PPL: variants seen among roughly 807,000 people sequenced by gnomAD.
The protein encoded by PPL is periplakin, also known as 190 kDa paraneoplastic pemphigus antigen.
Under a neutral mutation model 194.4 loss-of-function variants are expected in PPL, and 198 were observed. The ratio of observed to expected loss-of-function variants is 1.02; its 90% CI spans 0.91 to 1.15. PPL has a LOEUF of 1.15. Among genes scored for constraint, PPL ranks in the 50% most tolerant of loss-of-function variants. The probability of loss-of-function intolerance (pLI) is 0.00; values close to 1 mark genes in which losing one functional copy is unlikely to be tolerated. For synonymous variants in PPL, 1,220 were observed against 972.4 expected (o/e 1.25, Z -4.74); for missense variants, 2,885 against 2,294.8 (o/e 1.26, Z -5.25).
At position 4,883,810 on chromosome 16, in the gene PPL, C is replaced by G. The variant is rs760189060; in HGVS notation, c.4845G>C (p.Leu1615=). ...TCTTGAGGTCATCCAGTTCCCTCTCCAGGGACCACAGTCTGGAGTCATGGT... is the reference window on the plus strand; with the variant it reads ...TCTTGAGGTCATCCAGTTCCCTCTCGAGGGACCACAGTCTGGAGTCATGGT... The part of the protein sequence containing the change: ...GTNHDSRLWS[L]ERELDDLKRL... Residue 1615 remains leucine, a synonymous_variant, in exon 22 of 22, where the codon CTG becomes CTC. Transcript: ENST00000345988. The surrounding 1 kb of genome is among the most constrained non-coding windows in gnomAD (Gnocchi z 4.8). The G allele has an allele frequency of 3.1e-6, 5 of 1,614,124 alleles. No homozygotes were observed. The highest frequency in any genetic ancestry group is 1.6e-4 in the Middle Eastern group (1 of 6,062).
At chr16:4,898,342 C>T (rs755345456) in intron 8 of PPL, among the ~76,000 whole-genome samples, 6 of 152,166 alleles carry the variant, frequency 3.9e-5, no homozygotes, top group Admixed American at 6.5e-5. Flanking sequence ...TACACCATCG[C>T]ACTCCAGCCT....
chr16:4,909,530 G>A (rs140516726), intron 2 of PPL, among the ~76,000 whole-genome samples: 6,105 of 150,836 alleles, frequency 0.04, 115 homozygotes, highest in African/African-American at 0.05. Flanking sequence ...GGGTTCAAGC[G>A]ATTCTCCTGC....
At chr16:4,928,778 A>G (rs1568063672) in intron 1 of PPL, among the ~76,000 whole-genome samples, 1 of 152,172 alleles carries the variant, frequency 6.6e-6, no homozygotes, top group Non-Finnish European at 1.5e-5. Context: ...TAGGAAGCCG[A>G]GGCAGGTGGA....
chr16:4,888,033 T>C, intron 20 of PPL, 69 bp downstream of exon 20: 3 of 1,136,786 alleles, frequency 2.6e-6, no homozygotes, highest in Non-Finnish European at 4.0e-6. Flanking sequence ...TGTGACACCA[T>C]GCTCCCTGGG....
rs562835106 is a variant in PPL, at chr16:4,898,494, T to C, written c.876+519A>G. On this transcript the variant is annotated intron_variant, in intron 8 of 21. Coordinates refer to ENST00000345988, the MANE Select transcript of PPL (RefSeq NM_002705.5). ...AAATTAGGGTGAGCCCTAAATCCACTGACTGATATCCTTATAAGAAGAGAG... is the reference window on the plus strand; with the variant it reads ...AAATTAGGGTGAGCCCTAAATCCACCGACTGATATCCTTATAAGAAGAGAG... Among the ~76,000 whole-genome samples the C allele has an allele frequency of 5.9e-5, 9 of 152,256 alleles. No homozygotes were observed. The South Asian group carries it at 1.0e-3, about 18-fold the overall frequency.
intron 1 of PPL, among the ~76,000 whole-genome samples, chr16:4,915,884 T>C (rs758444557): frequency 1.9e-4 from 29 of 152,304 alleles, no homozygotes; most frequent in Non-Finnish European, 3.2e-4. Flanking sequence ...AGCAATTAGA[T>C]GGCAGAGCCA....
intron 1 of PPL, among the ~76,000 whole-genome samples, chr16:4,936,617 C>G (rs2089301858): frequency 6.6e-6 from 1 of 152,228 alleles, no homozygotes; most frequent in African/African-American, 2.4e-5. Context: ...GCCCCCTCAT[C>G]CAGGTGACTA....
chr16:4,885,424 G>A lies in PPL; in HGVS notation c.3231C>T (p.His1077=). 1.2e-6 allele frequency: 2 copies of A among 1,612,598 alleles called. No homozygotes were observed. The highest frequency in any genetic ancestry group is 1.1e-5 in the South Asian group (1 of 91,074). The change falls in exon 22 of 22, where the codon CAC becomes CAT. Residue 1077 remains histidine, a synonymous_variant. Transcript: ENST00000345988. The surrounding 1 kb of genome is among the most constrained non-coding windows in gnomAD (Gnocchi z 6.3). ...EAEYQQLQED[H]QRQDQLREKQ... is the part of the protein sequence containing the mutation. ...TCTCCCTGAGCTGGTCCTGGCGCTG[G>A]TGGTCCTCCTGCAGCTGCTGGTACT...
In PPL at chr16:4,883,991, G is replaced by T. The variant is rs149555593; in HGVS notation, c.4664C>A (p.Ser1555Tyr). 6 of 1,614,052 alleles carry T rather than the reference G, an allele frequency of 3.7e-6. No individual in the cohort carries two copies. The highest frequency in any genetic ancestry group is 2.2e-5 in the East Asian group (1 of 44,862). Residue 1555 changes from serine to tyrosine, a missense_variant, in exon 22 of 22, where the codon TCC (serine) becomes TAC (tyrosine). Physicochemically the swap from Ser to Tyr is moderately radical, Grantham distance 144. Coordinates refer to ENST00000345988, the MANE Select transcript of PPL (RefSeq NM_002705.5). The surrounding 1 kb of genome is among the most constrained non-coding windows in gnomAD (Gnocchi z 4.8). Reference protein sequence around the residue: ...SELEFHNSKSSKELDFLREEN... With the variant: ...SELEFHNSKSYKELDFLREEN... ...TTCCCTCAGAAAGTCTAGTTCCTTG[G>T]ATGACTTGGAGTTATGGAATTCCAG...
At chr16:4,904,320 C>T (rs530555954) in intron 2 of PPL, among the ~76,000 whole-genome samples, 1 of 152,318 alleles carries the variant, frequency 6.6e-6, no homozygotes, top group East Asian at 1.9e-4. Flanking sequence ...CTACTGTATG[C>T]AAGGAGTTGG....
At chr16:4,928,017 G>T (rs939645718) in intron 1 of PPL, among the ~76,000 whole-genome samples, 6 of 152,224 alleles carry the variant, frequency 3.9e-5, no homozygotes, top group African/African-American at 1.4e-4. Flanking sequence ...GAGGTGGGAG[G>T]ATTCATAGCT....
In PPL at chr16:4,884,574, C is replaced by T. The variant is rs1257192422; in HGVS notation, c.4081G>A (p.Glu1361Lys). Residue 1361 changes from glutamate (E) to lysine (K), a missense_variant, in exon 22 of 22, where the codon GAG (glutamate) becomes AAG (lysine). Physicochemically the swap from Glu to Lys is moderately conservative, Grantham distance 56 (BLOSUM62 1). Coordinates refer to ENST00000345988, the MANE Select transcript of PPL (RefSeq NM_002705.5). This position sits in a 1 kb window ranked among gnomAD's most constrained non-coding sequence, Gnocchi z 5.7. ...VQQEVVRYEEEPGLRAEASAF... is the reference protein window; with the variant it reads ...VQQEVVRYEEKPGLRAEASAF... ...CTCGCCTCGGCCCGCAGGCCTGGCT[C>T]CTCCTCATACCTGACCACCTCCTGC... The T allele has an allele frequency of 3.7e-6, 6 of 1,613,968 alleles. No homozygotes were observed. The highest frequency in any genetic ancestry group is 3.4e-6 in the Non-Finnish European group (4 of 1,179,948).
At chr16:4,911,074 T>A in intron 1 of PPL, 125 bp from the exon 2 acceptor site, 1 of 705,064 alleles carries the variant, frequency 1.4e-6, no homozygotes, top group South Asian at 1.7e-5. Context: ...CCACAGAGCC[T>A]TTGAGGTAGT....
chr16:4,884,195 A>G lies in PPL; in HGVS notation c.4460T>C (p.Leu1487Pro). 3 of 1,613,756 alleles carry G rather than the reference A, an allele frequency of 1.9e-6. No individual in the cohort carries two copies. Among genetic ancestry groups the G allele is most frequent in the Non-Finnish European group, 2.5e-6 (3 of 1,179,926 alleles). The change falls in exon 22 of 22, where the codon CTG (leucine) becomes CCG (proline). Residue 1487 changes from leucine to proline, a missense_variant. Coordinates refer to ENST00000345988, the MANE Select transcript of PPL (RefSeq NM_002705.5). The surrounding 1 kb of genome is among the most constrained non-coding windows in gnomAD (Gnocchi z 5.7). ...EGELETLRRK[L>P]AALEKAEVKE... ...GACCTCCGCCTTCTCCAGTGCAGCC[A>G]GTTTCCTCCGGAGGGTCTCGAGCTC...
intron 19 of PPL, 128 bp downstream of exon 19, chr16:4,888,850 C>G (rs2088260749): frequency 3.5e-6 from 3 of 865,162 alleles, no homozygotes; most frequent in African/African-American, 1.7e-5. Flanking sequence ...TGCACAGCAG[C>G]CGGCAGTGCC....
rs2088179207 is a variant in PPL at position 4,884,632 on chromosome 16, C to T, written c.4023G>A (p.Glu1341=). 5 of 1,614,158 alleles carry T rather than the reference C, an allele frequency of 3.1e-6. No individual in the cohort carries two copies. The highest frequency in any genetic ancestry group is 4.2e-6 in the Non-Finnish European group (5 of 1,180,026). ...CCCTTTCCTTCACCCGCGAGAGCTC[C>T]TCCTCTTTCCGGGCGATCTGCTCTT... ...SQEEQIARKE[E]ELSRVKERVV... The change falls in exon 22 of 22, where the codon GAG becomes GAA. Residue 1341 remains glutamate (E), a synonymous_variant. Transcript: ENST00000345988. The surrounding 1 kb of genome is among the most constrained non-coding windows in gnomAD (Gnocchi z 5.7).
At chr16:4,932,517 C>A (rs1490803540) in intron 1 of PPL, among the ~76,000 whole-genome samples, 1 of 151,310 alleles carries the variant, frequency 6.6e-6, no homozygotes, top group Non-Finnish European at 1.5e-5. Flanking sequence ...TCAAGTGATT[C>A]TCCTGCCTCA....
chr16:4,884,527 A>G lies in PPL; in HGVS notation c.4128T>C (p.Asp1376=), dbSNP rs1013411214. The change falls in exon 22 of 22, where the codon GAT becomes GAC. Residue 1376 remains aspartate (D), a synonymous_variant. Transcript: ENST00000345988. The surrounding 1 kb of genome is among the most constrained non-coding windows in gnomAD (Gnocchi z 5.7). ...GCTTGTCAATCTGCCGCAGCTCCAC[A>G]TCGATGCTCTCGGCAAAGGCGCTCG... The part of the protein sequence containing the change: ...AEASAFAESI[D]VELRQIDKLR... 1 of 1,611,866 alleles carries G rather than the reference A, an allele frequency of 6.2e-7. No homozygotes were observed.
At position 4,895,865 on chromosome 16, in the gene PPL, C is replaced by T. The variant is rs1224843836; in HGVS notation, c.973-149G>A. ...GGACCCTGTGCTGAGCCTGAGGCTCCTCTGCGTGGAGACAGCCCCACCCTC... is the reference window on the plus strand; with the variant it reads ...GGACCCTGTGCTGAGCCTGAGGCTCTTCTGCGTGGAGACAGCCCCACCCTC... On this transcript the variant is annotated intron_variant, in intron 9 of 21. Coordinates refer to ENST00000345988, the MANE Select transcript of PPL (RefSeq NM_002705.5). 3.4e-6 allele frequency: 4 copies of T among 1,163,122 alleles called. No individual in the cohort carries two copies. In the Admixed American group the frequency reaches 6.9e-5, roughly 20 times the overall value. 72.1% of individuals were successfully genotyped at this position (1,163,122 alleles called of 1,614,324 possible). A position where few individuals can be genotyped will look rare whatever the true frequency, so the allele number is the denominator to read the frequency against.
Sources: allele counts gnomAD v4.1 joint callset (sites outside exome capture counted in the v4.1 genomes callset), GRCh38; gene constraint gnomAD v4.1.1; non-coding constraint Gnocchi (gnomAD v3.1); transcripts MANE v1.5; gene names NCBI Gene and HGNC (gene_info 2026-07-23, HGNC 2026-07-21).